Variants in GC observed in about 807,000 individuals in gnomAD.
GC encodes the protein GC vitamin D binding protein, also known as vitamin D-binding protein.
Under a neutral mutation model 56.7 loss-of-function variants are expected in GC, and 43 were observed. The observed-to-expected ratio is 0.76, with a 90% confidence interval of 0.59 to 0.98. The LOEUF is 0.98. Among genes scored for constraint, GC ranks in the 50% least tolerant of loss-of-function variants. The pLI, the probability that GC is intolerant of heterozygous loss-of-function variation, is 0.00. For synonymous variants in GC, 216 were observed against 202.7 expected (o/e 1.07, Z -0.56); for missense variants, 529 against 545.9 (o/e 0.97, Z 0.31).
intron 8 of GC, among the ~76,000 whole-genome samples, chr4:71,755,972 G>T (rs2149296531): frequency 6.6e-6 from 1 of 152,258 alleles, no homozygotes; most frequent in East Asian, 1.9e-4. Context: ...CCATCATTAT[G>T]CATACACATC....
chr4:71,800,034 A>G (rs1743211798), intron 1 of GC, among the ~76,000 whole-genome samples: 1 of 151,504 alleles, frequency 6.6e-6, no homozygotes, highest in Non-Finnish European at 1.5e-5. Context: ...TCAACACACA[A>G]TTCATGGAGA....
At chr4:71,764,510 A>C (rs1742096211) in intron 4 of GC, among the ~76,000 whole-genome samples, 1 of 152,196 alleles carries the variant, frequency 6.6e-6, no homozygotes, top group African/African-American at 2.4e-5. Flanking sequence ...GGTCAGGTGC[A>C]TCACCCATGG....
chr4:71,770,019 A>C (rs930682088), intron 1 of GC, among the ~76,000 whole-genome samples: 10 of 152,186 alleles, frequency 6.6e-5, no homozygotes, highest in African/African-American at 2.4e-4. Flanking sequence ...AGAATATTTT[A>C]GACAAAGTGT....
intron 2 of GC, 115 bp downstream of exon 2, chr4:71,769,216 C>T (rs1742269073): frequency 2.7e-6 from 2 of 742,028 alleles, no homozygotes; most frequent in African/African-American, 1.7e-5. Context: ...GGGCTCTGTC[C>T]TCTTACTCTT....
At chr4:71,776,514 G>A (rs972170889) in intron 1 of GC, among the ~76,000 whole-genome samples, 1 of 151,786 alleles carries the variant, frequency 6.6e-6, no homozygotes, top group African/African-American at 2.4e-5. Context: ...AGGAGGGAGG[G>A]AATGAGGAGC....
intron 3 of GC, among the ~76,000 whole-genome samples, chr4:71,767,851 C>T (rs1578300480): frequency 1.3e-5 from 2 of 151,816 alleles, no homozygotes; most frequent in African/African-American, 4.8e-5. Context: ...CCATTATATC[C>T]TTCTTATGCC....
intron 4 of GC, among the ~76,000 whole-genome samples, chr4:71,764,619 A>T (rs1742099386): frequency 6.6e-6 from 1 of 152,140 alleles, no homozygotes; most frequent in Non-Finnish European, 1.5e-5. Flanking sequence ...ACTTTAGATA[A>T]TTATTATGTA....
intron 11 of GC, among the ~76,000 whole-genome samples, chr4:71,747,298 A>G (rs1175573816): frequency 6.6e-6 from 1 of 152,130 alleles, no homozygotes; most frequent in East Asian, 1.9e-4. Context: ...GGTTGGAGGT[A>G]GAGATTTGGA....
At chr4:71,753,893 G>A (rs918584691) in intron 10 of GC, among the ~76,000 whole-genome samples, 5 of 152,118 alleles carry the variant, frequency 3.3e-5, no homozygotes, top group African/African-American at 1.2e-4. Context: ...TAAGAATGTT[G>A]CTAAGCTATG....
In GC at chr4:71,796,025, C is replaced by T. The variant is rs113915341; in HGVS notation, c.21+7901G>A. Among the ~76,000 whole-genome samples, 39 of 152,290 alleles carry T rather than the reference C, an allele frequency of 2.6e-4. 2 individuals are homozygous for T. Among genetic ancestry groups the T allele is most frequent in the African/African-American group, 7.9e-4 (33 of 41,568 alleles). ...CTTGTAGAGTTTCTGCTGAGAGATC[C>T]GCTGTTAGTGTGATGGTTTTCCATT... On this transcript the variant is annotated intron_variant, in intron 1 of 13. Transcript: ENST00000504199.
chr4:71,777,585 T>TA lies in GC; in HGVS notation c.58+6375dup, dbSNP rs896546444. Among the ~76,000 whole-genome samples, 9 of 149,936 alleles carry TA rather than the reference T, an allele frequency of 6.0e-5. No homozygotes were observed. In the South Asian group the frequency reaches 1.1e-3, roughly 18 times the overall value. ...TCAACAATCCAACCATGTATTTTGT[T>TA]ATTTATATTTTTTAAAATCTAGTAT... On this transcript the variant is annotated intron_variant, in intron 1 of 12. Transcript: ENST00000273951.
Position 71,758,048 on chromosome 4 carries a change from G to T in GC, c.825C>A (p.Ala275=). 6.2e-7 allele frequency: 1 copy of T among 1,612,884 alleles called. No individual in the cohort carries two copies. The highest frequency in any genetic ancestry group is 8.5e-7 in the Non-Finnish European group (1 of 1,179,288). The part of the protein sequence containing the change: ...CCESASEDCM[A]KELPEHTVKL... ...ATAATAAAGCTTGTCTTACCTCTTT[G>T]GCCATGCAATCTTCAGAGGCAGACT... The change falls in exon 7 of 13, where the codon GCC becomes GCA. Residue 275 remains alanine (A), a synonymous_variant. Coordinates refer to ENST00000273951, the MANE Select transcript of GC (RefSeq NM_000583.4).
intron 1 of GC, among the ~76,000 whole-genome samples, chr4:71,775,660 G>A (rs896848736): frequency 4.6e-5 from 7 of 151,792 alleles, no homozygotes; most frequent in African/African-American, 1.4e-4. Context: ...AAATGGGATT[G>A]CATCATACTA....
intron 1 of GC, among the ~76,000 whole-genome samples, chr4:71,770,661 C>G (rs568214243): frequency 6.6e-6 from 1 of 151,964 alleles, no homozygotes; most frequent in African/African-American, 2.4e-5. Context: ...CAGCCTAGAG[C>G]GTAGGAGGAA....
At position 71,796,702 on chromosome 4, in the gene GC, C is replaced by T. The variant is rs1003210251; in HGVS notation, c.21+7224G>A. ...AGTCATTCTCCATCCAACTTTTTTC[C>T]GTTGCTGGCGAGGAGCTGCAATCCT... On this transcript the variant is annotated intron_variant, in intron 1 of 13. Transcript: ENST00000504199. Among the ~76,000 whole-genome samples the T allele has an allele frequency of 1.3e-4, 20 of 152,120 alleles. 2 individuals are homozygous for T. Among genetic ancestry groups the T allele is most frequent in the African/African-American group, 4.8e-4 (20 of 41,412 alleles).
intron 1 of GC, among the ~76,000 whole-genome samples, chr4:71,802,174 T>A (rs905678232): frequency 2.6e-5 from 4 of 152,222 alleles, no homozygotes; most frequent in Admixed American, 2.6e-4. Flanking sequence ...ATCATTTAAA[T>A]TATTTTGTTT....
chr4:71,778,640 G>A (rs1742580259), intron 1 of GC, among the ~76,000 whole-genome samples: 1 of 151,836 alleles, frequency 6.6e-6, no homozygotes. Flanking sequence ...CAAGTGAAAT[G>A]AGACTTTAAA....
At chr4:71,779,361 G>T (rs1376159541) in intron 1 of GC, among the ~76,000 whole-genome samples, 1 of 151,746 alleles carries the variant, frequency 6.6e-6, no homozygotes, top group Non-Finnish European at 1.5e-5. Context: ...ATTTGTGGTA[G>T]GTTGGCTAGG....
intron 7 of GC, 44 bp downstream of exon 7, chr4:71,757,998 C>T (rs1014411385): frequency 1.3e-6 from 2 of 1,585,126 alleles, no homozygotes; most frequent in Non-Finnish European, 8.6e-7. Flanking sequence ...ACTTGGCACT[C>T]AATACCTGGC....
Sources: gnomAD v4.1 joint callset for allele counts (sites outside exome capture counted in the v4.1 genomes callset) on GRCh38, gnomAD v4.1.1 for gene constraint, MANE v1.5 for transcripts, NCBI Gene and HGNC (gene_info 2026-07-23, HGNC 2026-07-21) for gene names.